The following DLG2 variants were observed in gnomAD, a reference collection of about 807,000 sequenced individuals.
DLG2 encodes the protein disks large homolog 2.
A neutral mutation model predicts 132.5 loss-of-function variants in DLG2; 45 were observed. The observed-to-expected ratio is 0.34, with a 90% CI of 0.27 to 0.44. DLG2 has a LOEUF of 0.44. Ranked by LOEUF, DLG2 falls within the 20% of genes least tolerant of loss-of-function variation. The pLI, the probability that DLG2 is intolerant of heterozygous loss-of-function variation, is 1.00. For synonymous variants in DLG2, 424 were observed against 419.6 expected (o/e 1.01, Z -0.13); for missense variants, 1,045 against 1,196.9 (o/e 0.87, Z 1.87).
At chr11:84,863,723 A>T (rs1259198928) in intron 6 of DLG2, among the ~76,000 whole-genome samples, 1 of 152,194 alleles carries the variant, frequency 6.6e-6, no homozygotes, top group Non-Finnish European at 1.5e-5. Flanking sequence ...TACAGTTAAT[A>T]AAATAAAAGA....
chr11:84,109,917 T>G (rs545665603), intron 9 of DLG2, among the ~76,000 whole-genome samples: 1 of 152,188 alleles, frequency 6.6e-6, no homozygotes, highest in Non-Finnish European at 1.5e-5. Context: ...GTCCCTACAT[T>G]TTATTAAAAC....
intron 7 of DLG2, among the ~76,000 whole-genome samples, chr11:84,300,317 C>T (rs1033082652): frequency 6.6e-6 from 1 of 152,006 alleles, no homozygotes; most frequent in South Asian, 2.1e-4. Flanking sequence ...ACTATTTTTT[C>T]ATATGTCACT....
chr11:84,499,615 T>C (rs2099196520), intron 7 of DLG2, among the ~76,000 whole-genome samples: 4 of 152,224 alleles, frequency 2.6e-5, no homozygotes, highest in African/African-American at 9.6e-5. Flanking sequence ...TTAACAGTTT[T>C]TACTTTACTT....
chr11:85,383,651 T>C (rs2086086540), intron 3 of DLG2, among the ~76,000 whole-genome samples: 1 of 152,194 alleles, frequency 6.6e-6, no homozygotes, highest in Admixed American at 6.5e-5. Context: ...CGGCATAACC[T>C]ATTTCAATAT....
chr11:83,762,718 C>T (rs1246227434), intron 18 of DLG2, among the ~76,000 whole-genome samples: 2 of 151,994 alleles, frequency 1.3e-5, no homozygotes, highest in South Asian at 2.1e-4. Context: ...ACAGCTGGGA[C>T]TACAGGCGCA....
intron 3 of DLG2, among the ~76,000 whole-genome samples, chr11:85,337,371 A>T (rs535412908): frequency 4.6e-5 from 7 of 152,246 alleles, no homozygotes; most frequent in Admixed American, 3.3e-4. Context: ...CGCCTGAACC[A>T]TCAGGCCTGG....
intron 6 of DLG2, among the ~76,000 whole-genome samples, chr11:84,539,301 G>T (rs2099362525): frequency 6.6e-6 from 1 of 152,110 alleles, no homozygotes; most frequent in Non-Finnish European, 1.5e-5. Flanking sequence ...AGGACTCAAA[G>T]GTCTTTAGAG....
intron 21 of DLG2, among the ~76,000 whole-genome samples, chr11:83,492,004 C>T (rs933094423): frequency 6.6e-6 from 1 of 152,048 alleles, no homozygotes; most frequent in Admixed American, 6.6e-5. Context: ...TCAAGGATAA[C>T]CATGCTCATT....
chr11:84,605,495 T>C (rs533065803), intron 6 of DLG2, among the ~76,000 whole-genome samples: 67 of 151,024 alleles, frequency 4.4e-4, no homozygotes, highest in Non-Finnish European at 8.0e-4. Flanking sequence ...AATGCCACAT[T>C]ACTTTAATTC....
intron 6 of DLG2, among the ~76,000 whole-genome samples, chr11:85,028,797 G>C (rs1185861849): frequency 6.6e-6 from 1 of 152,038 alleles, no homozygotes; most frequent in Non-Finnish European, 1.5e-5. Context: ...GTCACTGCTG[G>C]GTGGCTGCAC....
chr11:84,110,381 A>C (rs1236176567), intron 9 of DLG2, among the ~76,000 whole-genome samples: 1 of 152,174 alleles, frequency 6.6e-6, no homozygotes, highest in Non-Finnish European at 1.5e-5. Flanking sequence ...AAATTTCCTT[A>C]AGTAAAATAT....
chr11:83,750,751 A>T (rs1042959717), intron 18 of DLG2, among the ~76,000 whole-genome samples: 3 of 152,226 alleles, frequency 2.0e-5, no homozygotes, highest in African/African-American at 7.2e-5. Flanking sequence ...TAGAATAAAA[A>T]ATAAAGAACA....
intron 7 of DLG2, among the ~76,000 whole-genome samples, chr11:84,301,448 G>A (rs904840211): frequency 1.3e-5 from 2 of 151,900 alleles, no homozygotes; most frequent in African/African-American, 4.8e-5. Flanking sequence ...ACGAAGTCAG[G>A]AGATCGAGAC....
At chr11:84,687,540 T>C (rs2099739184) in intron 6 of DLG2, among the ~76,000 whole-genome samples, 1 of 152,162 alleles carries the variant, frequency 6.6e-6, no homozygotes, top group East Asian at 1.9e-4. Context: ...CTGTCTTTCC[T>C]CCAGTCTATG....
At chr11:83,488,639 AT>A (rs1228067295) in intron 21 of DLG2, among the ~76,000 whole-genome samples, 2 of 151,968 alleles carry the variant, frequency 1.3e-5, no homozygotes, top group African/African-American at 4.8e-5. Flanking sequence ...AAAAAGTTTC[AT>A]AGTTCTAAAA....
chr11:83,467,111 G>A (rs955469501), intron 25 of DLG2, among the ~76,000 whole-genome samples: 4 of 152,124 alleles, frequency 2.6e-5, no homozygotes, highest in African/African-American at 4.8e-5. Context: ...ACATGCAGCC[G>A]TATGTTATGT....
intron 4 of DLG2, among the ~76,000 whole-genome samples, chr11:85,185,967 A>C (rs2080065112): frequency 6.6e-6 from 1 of 152,034 alleles, no homozygotes; most frequent in East Asian, 1.9e-4. Flanking sequence ...GTTACAGCCA[A>C]GAGATTTTAA....
intron 3 of DLG2, among the ~76,000 whole-genome samples, chr11:85,400,824 C>T (rs1158998638): frequency 1.3e-5 from 2 of 151,394 alleles, no homozygotes; most frequent in Middle Eastern, 3.4e-3. Flanking sequence ...GGAGATATAC[C>T]TAATGCTAAA....
chr11:85,001,388 A>C (rs546689862), intron 6 of DLG2, among the ~76,000 whole-genome samples: 1 of 152,196 alleles, frequency 6.6e-6, no homozygotes, highest in Non-Finnish European at 1.5e-5. Flanking sequence ...TTAGAGAGGT[A>C]ACCCAGCAAA....
Sources: allele counts gnomAD v4.1 joint callset (sites outside exome capture counted in the v4.1 genomes callset), GRCh38; gene constraint gnomAD v4.1.1; transcripts MANE v1.5; gene names NCBI Gene and HGNC (gene_info 2026-07-23, HGNC 2026-07-21).